THAP6: variants seen among roughly 807,000 people sequenced by gnomAD.
The protein encoded by THAP6 is THAP domain-containing protein 6.
A neutral mutation model predicts 20.0 loss-of-function variants in THAP6; 13 were observed. That is an observed-to-expected ratio of 0.65 (90% confidence interval 0.42 to 1.03). The LOEUF (loss-of-function observed/expected upper bound fraction) is 1.03. Among genes scored for constraint, THAP6 ranks in the 50% least tolerant of loss-of-function variants. The pLI, the probability that THAP6 is intolerant of heterozygous loss-of-function variation, is 0.00. For missense variants in THAP6, 262 were observed against 261.6 expected (o/e 1.00, Z -0.01); for synonymous variants, 93 against 92.2 (o/e 1.01, Z -0.05).
intron 2 of THAP6, among the ~76,000 whole-genome samples, chr4:75,541,970 A>AG (rs2148833539): frequency 6.6e-6 from 1 of 150,876 alleles, no homozygotes; most frequent in East Asian, 1.9e-4. Context: ...AAAAAAAAAA[A>AG]GAAAATCAAA....
chr4:75,521,006 A>G (rs1725989195), intron 3 of THAP6, among the ~76,000 whole-genome samples: 1 of 152,108 alleles, frequency 6.6e-6, no homozygotes, highest in South Asian at 2.1e-4. Context: ...AACACTGGAT[A>G]TTGAGGATAG....
At chr4:75,523,664 G>A (rs1726177669) in intron 4 of THAP6, among the ~76,000 whole-genome samples, 1 of 151,836 alleles carries the variant, frequency 6.6e-6, no homozygotes, top group African/African-American at 2.4e-5. Context: ...AAATTAGCTG[G>A]GGGTGGTGGC....
Position 75,517,142 on chromosome 4 carries a change from C to T in THAP6, c.288+163C>T, listed in dbSNP as rs560375616. 43 of 548,776 alleles carry T rather than the reference C, an allele frequency of 7.8e-5. No homozygotes were observed. In the South Asian group the frequency reaches 8.1e-4, roughly 10 times the overall value. 34.0% of individuals were successfully genotyped at this position (548,776 alleles called of 1,614,324 possible). A position where few individuals can be genotyped will look rare whatever the true frequency, so the allele number is the denominator to read the frequency against. ...TAAGCAATTCTCTGCCTCAGCCTCC[C>T]GAGAAGCTGGGATTACAGGCACCTG... On this transcript the variant is annotated intron_variant, in intron 3 of 4. Coordinates refer to ENST00000311638, the MANE Select transcript of THAP6 (RefSeq NM_144721.6).
Position 75,529,601 on chromosome 4 carries a change from C to G in THAP6, c.*2387C>G, listed in dbSNP as rs6816985. The G allele has an allele frequency of 4.1e-6, 4 of 985,320 alleles. No homozygotes were observed. Among genetic ancestry groups the G allele is most frequent in the Non-Finnish European group, 3.6e-6 (3 of 829,944 alleles). 61.0% of individuals were successfully genotyped at this position (985,320 alleles called of 1,614,324 possible). A position where few individuals can be genotyped will look rare whatever the true frequency, so the allele number is the denominator to read the frequency against. ...TAAACACAGTATGTATCTCAGTCCT[C>G]TGTTCCCAGAGATTCCACCCTAGCC... is the stretch of plus-strand genomic sequence containing the variant. On this transcript the variant is annotated 3_prime_UTR_variant, in exon 5 of 5. Transcript: ENST00000311638.
Position 75,540,796 on chromosome 4 carries a change from G to A in THAP6, c.166-1613G>A, listed in dbSNP as rs187229141. ...TTATTAAACAGGTAGATTTTATAAC[G>A]GTATAAAATGTTGCCAGGCTACACA... On this transcript the variant is annotated intron_variant, in intron 2 of 4. Coordinates refer to the THAP6 transcript ENST00000502620. Among the ~76,000 whole-genome samples the A allele has an allele frequency of 9.1e-4, 138 of 152,156 alleles. 1 individual carries two copies. The highest frequency in any genetic ancestry group is 1.2e-3 in the Non-Finnish European group (79 of 67,996).
intron 3 of THAP6, among the ~76,000 whole-genome samples, chr4:75,518,383 C>T (rs1228343274): frequency 6.6e-6 from 1 of 152,174 alleles, no homozygotes; most frequent in African/African-American, 2.4e-5. Flanking sequence ...TGCATCTATA[C>T]TTATATAGAT....
chr4:75,533,765 AT>A (rs112537370), downstream of THAP6, among the ~76,000 whole-genome samples: 3,652 of 151,654 alleles, frequency 0.024, 150 homozygotes, highest in African/African-American at 0.083. Flanking sequence ...TTTTTTTCAA[AT>A]TTTTTTTTAT....
At chr4:75,520,983 G>A (rs1725986566) in intron 3 of THAP6, among the ~76,000 whole-genome samples, 1 of 151,886 alleles carries the variant, frequency 6.6e-6, no homozygotes, top group Non-Finnish European at 1.5e-5. Context: ...CTTTTTCTAT[G>A]CTGTTTTGTA....
intron 1 of THAP6, 26 bp from the exon 2 acceptor site, chr4:75,515,407 C>A: frequency 6.3e-7 from 1 of 1,597,308 alleles, no homozygotes; most frequent in Non-Finnish European, 8.6e-7. Flanking sequence ...CGGTTACTAA[C>A]TCTTAACATT....
intron 3 of THAP6, chr4:75,517,611 C>T (rs958632919): frequency 1.3e-5 from 2 of 152,220 alleles, no homozygotes; most frequent in Non-Finnish European, 2.9e-5. Context: ...CAGTCCTTAA[C>T]ACTGGGGCAG....
downstream of THAP6, among the ~76,000 whole-genome samples, chr4:75,532,250 C>T (rs954166856): frequency 7.9e-5 from 12 of 152,226 alleles, no homozygotes; most frequent in Admixed American, 3.3e-4. Context: ...CTACAGGCCC[C>T]ATGCAAGTCT....
chr4:75,528,724 A>T lies in THAP6; in HGVS notation c.*1510A>T, dbSNP rs1019860664. 1.1e-5 allele frequency: 11 copies of T among 982,892 alleles called. No individual in the cohort carries two copies. Among genetic ancestry groups the T allele is most frequent in the Non-Finnish European group, 1.3e-5 (11 of 829,464 alleles). 60.9% of individuals were successfully genotyped at this position (982,892 alleles called of 1,614,324 possible). A position where few individuals can be genotyped will look rare whatever the true frequency, so the allele number is the denominator to read the frequency against. On this transcript the variant is annotated 3_prime_UTR_variant, in exon 5 of 5. Coordinates refer to ENST00000311638, the MANE Select transcript of THAP6 (RefSeq NM_144721.6). ...GAAATCACTGAGGCCATATCTTTTT[A>T]CAATCTGAAAAAAAAGTAGTAAAAA...
chr4:75,541,884 G>C (rs914891190), intron 2 of THAP6, among the ~76,000 whole-genome samples: 11 of 151,938 alleles, frequency 7.2e-5, no homozygotes, highest in Admixed American at 1.3e-4. Flanking sequence ...TGAGCGCAGA[G>C]GGGCGGAGGT....
chr4:75,526,983 CA>C lies in THAP6; in HGVS notation c.439del (p.Ser147ValfsTer9). ...AGGAACATAGCTACAGTGTAATGGA[CA>C]GTCCAAAGAAACTTAAGCATAAATT... ...IFEHSYSVMD[S>X]PKKLKHKLDH... On this transcript the variant is annotated frameshift_variant, in exon 5 of 5. Transcript: ENST00000311638. LOFTEE classifies it high-confidence loss of function. 1 of 1,613,962 alleles carries C rather than the reference CA, an allele frequency of 6.2e-7. No homozygotes were observed.
At chr4:75,546,523 A>G (rs552586599) in intron 3 of THAP6, among the ~76,000 whole-genome samples, 18 of 152,326 alleles carry the variant, frequency 1.2e-4, no homozygotes, top group Admixed American at 8.5e-4. Flanking sequence ...CTGTCAAGCA[A>G]CACATTTAAG....
chr4:75,531,067 C>T (rs556440529), downstream of THAP6, among the ~76,000 whole-genome samples: 13 of 152,348 alleles, frequency 8.5e-5, no homozygotes, highest in African/African-American at 2.9e-4. Flanking sequence ...TGCAAGGTTG[C>T]AAGGTTAGTT....
chr4:75,527,150 A>T lies in THAP6; in HGVS notation c.605A>T (p.Asn202Ile). 1 of 1,614,166 alleles carries T rather than the reference A, an allele frequency of 6.2e-7. No individual in the cohort carries two copies. Reference sequence around the variant, plus strand: ...TGTCTGATCAGCCAAGAAACAGCAAATAGACTGGACACTTTCTGTTGGGAC... The same window carrying T: ...TGTCTGATCAGCCAAGAAACAGCAATTAGACTGGACACTTTCTGTTGGGAC... ...DECLISQETA[N>I]RLDTFCWDCC... The change falls in exon 5 of 5, where the codon AAT becomes ATT. Residue 202 changes from asparagine (N) to isoleucine (I), a missense_variant. Physicochemically the swap from Asn to Ile is moderately radical, Grantham distance 149 (BLOSUM62 -3). Coordinates refer to ENST00000311638, the MANE Select transcript of THAP6 (RefSeq NM_144721.6).
At chr4:75,521,921 T>C in intron 4 of THAP6, 60 bp downstream of exon 4, 1 of 1,593,934 alleles carries the variant, frequency 6.3e-7, no homozygotes, top group Non-Finnish European at 8.6e-7. Context: ...GTCCTCTCCA[T>C]TACAATCAAA....
chr4:75,533,505 G>C (rs1002900460), downstream of THAP6, among the ~76,000 whole-genome samples: 4 of 152,064 alleles, frequency 2.6e-5, no homozygotes, highest in African/African-American at 9.7e-5. Context: ...CACATTTTCA[G>C]GTATCTTTCC....
Sources: allele counts gnomAD v4.1 joint callset (sites outside exome capture counted in the v4.1 genomes callset), GRCh38; gene constraint gnomAD v4.1.1; transcripts MANE v1.5; gene names NCBI Gene and HGNC (gene_info 2026-07-23, HGNC 2026-07-21).